TET2: variants seen among roughly 807,000 people sequenced by gnomAD.
TET2 encodes the protein methylcytosine dioxygenase TET2.
A neutral mutation model predicts 142.9 loss-of-function variants in TET2; 299 were observed. That is an observed-to-expected ratio of 2.09 (90% CI 1.90 to 2.30). The LOEUF is 2.30. Among genes scored for constraint, TET2 ranks in the 30% most tolerant of loss-of-function variants. The pLI, the probability that TET2 is intolerant of heterozygous loss-of-function variation, is 0.00. For synonymous variants in TET2, 819 were observed against 849.0 expected, an observed-to-expected ratio of 0.96 and a Z score of 0.61; for missense variants, 2,418 against 2,378.0, an observed-to-expected ratio of 1.02 and a Z score of -0.35.
chr4:105,199,129 G>C (rs1026357501), intron 2 of TET2, among the ~76,000 whole-genome samples: 1 of 152,048 alleles, frequency 6.6e-6, no homozygotes, highest in Non-Finnish European at 1.5e-5. Context: ...GTCACTCTAG[G>C]TCTTCTACTC....
chr4:105,160,004 GAAA>G (rs796114559), intron 1 of TET2, among the ~76,000 whole-genome samples: 1 of 144,070 alleles, frequency 6.9e-6, no homozygotes, highest in East Asian at 2.0e-4. Flanking sequence ...CTCCGTCTCA[GAAA>G]AAAAAAAAAT....
At chr4:105,246,420 A>T (rs967569759) in intron 6 of TET2, among the ~76,000 whole-genome samples, 5 of 152,242 alleles carry the variant, frequency 3.3e-5, no homozygotes, top group African/African-American at 1.2e-4. Flanking sequence ...ACATGCTTCA[A>T]ATATGAAGAC....
Position 105,254,311 on chromosome 4 carries a change from TTA to T in TET2, c.3804-5306_3804-5305del, listed in dbSNP as rs200375848. 4.8e-3 allele frequency among the ~76,000 whole-genome samples: 734 copies of T among 152,328 alleles called. 7 individuals are homozygous for T. The highest frequency in any genetic ancestry group is 6.4e-3 in the Non-Finnish European group (437 of 68,024). ...TTTCATAGATATAGGCCTATTTAGA[TTA>T]TTATTTTGCATAAATATTGGTAGTT... On this transcript the variant is annotated intron_variant, in intron 6 of 10. Coordinates refer to ENST00000380013, the MANE Select transcript of TET2 (RefSeq NM_001127208.3).
Position 105,259,612 on chromosome 4 carries a change from T to G in TET2, c.3804-7T>G. The G allele has an allele frequency of 6.5e-7, 1 of 1,550,350 alleles. No individual in the cohort carries two copies. The highest frequency in any genetic ancestry group is 8.7e-7 in the Non-Finnish European group (1 of 1,146,140). On this transcript the variant is annotated splice_region_variant and splice_polypyrimidine_tract_variant and intron_variant, in intron 6 of 10. Transcript: ENST00000380013. Reference sequence around the variant, plus strand: ...ATAGCAATGAATTTGGTCTTTTGATTTTTCAGGAGAACTTGCGCCTGTCAG... The same window carrying G: ...ATAGCAATGAATTTGGTCTTTTGATGTTTCAGGAGAACTTGCGCCTGTCAG...
chr4:105,277,513 A>G lies in TET2; in HGVS notation c.*994A>G, dbSNP rs1306365753. 3 of 226,780 alleles carry G rather than the reference A, an allele frequency of 1.3e-5. No individual in the cohort carries two copies. Among genetic ancestry groups the G allele is most frequent in the African/African-American group, 2.2e-5 (1 of 44,988 alleles). The allele number at this position is 226,780 out of a possible 1,614,324, so 14.0% of individuals were successfully genotyped here. ...ACTTTCATTTTAGAATGCAAAGTTG[A>G]TTTTTTTAAGGAAACAAAGAAAGCT... On this transcript the variant is annotated 3_prime_UTR_variant, in exon 11 of 11. Transcript: ENST00000380013.
At chr4:105,250,796 A>C (rs552401604) in intron 6 of TET2, among the ~76,000 whole-genome samples, 2 of 151,930 alleles carry the variant, frequency 1.3e-5, no homozygotes, top group East Asian at 1.9e-4. Context: ...GGTTCAAGTG[A>C]TTCTCCTGCC....
At chr4:105,175,947 G>A (rs1372643673) in intron 1 of TET2, among the ~76,000 whole-genome samples, 2 of 152,112 alleles carry the variant, frequency 1.3e-5, no homozygotes, top group Admixed American at 1.3e-4. Context: ...GGCAGTGTAC[G>A]ATTCTGGACC....
At chr4:105,163,062 TGAA>T (rs1451883405) in intron 1 of TET2, among the ~76,000 whole-genome samples, 1 of 152,236 alleles carries the variant, frequency 6.6e-6, no homozygotes, top group African/African-American at 2.4e-5. Context: ...AATTTTTCAG[TGAA>T]GAATAAATTT....
intron 4 of TET2, chr4:105,242,270 T>A (rs1729345708): frequency 9.2e-7 from 1 of 1,083,306 alleles, no homozygotes; most frequent in East Asian, 5.1e-5. Context: ...AGTGCCTTTT[T>A]TTTGTTGTTT....
chr4:105,272,674 TGTGGAAGCTCAGGAGGAGAAAAAACGGA>T lies in TET2; in HGVS notation c.4298_4325del (p.Glu1433ValfsTer6), dbSNP rs985310649. ...TCTCTGACGTGGATGAGTTTGGGAG[TGTGGAAGCTCAGGAGGAGAAAAAACGGA>T]GTGGTGCCATTCAGGTACTGAGTTC... On this transcript the variant is annotated frameshift_variant, in exon 10 of 11. Transcript: ENST00000380013. LOFTEE classifies it high-confidence loss of function. 1 of 1,551,346 alleles carries T rather than the reference TGTGGAAGCTCAGGAGGAGAAAAAACGGA, an allele frequency of 6.4e-7. No individual in the cohort carries two copies. Among genetic ancestry groups the T allele is most frequent in the Non-Finnish European group, 8.7e-7 (1 of 1,146,940 alleles).
chr4:105,275,837 C>G lies in TET2; in HGVS notation c.5327C>G (p.Ser1776Cys). 5.2e-6 allele frequency: 8 copies of G among 1,551,818 alleles called. No homozygotes were observed. In the East Asian group the frequency reaches 9.8e-5, roughly 19 times the overall value. The change falls in exon 11 of 11, where the codon TCT becomes TGT. Residue 1776 changes from serine (S) to cysteine (C), a missense_variant. Coordinates refer to ENST00000380013, the MANE Select transcript of TET2 (RefSeq NM_001127208.3). The part of the protein sequence containing the change: ...YSAAPGMFNS[S>C]LHALHLQNKE... ...GCAGCTCCGGGCATGTTCAACAGCT[C>G]TCTTCATGCCCTGCATCTCCAAAAC...
At position 105,233,926 on chromosome 4, in the gene TET2, G is replaced by A. The variant is rs1468899704; in HGVS notation, c.-17G>A. 2.5e-6 allele frequency: 4 copies of A among 1,600,412 alleles called. No homozygotes were observed. In the African/African-American group the frequency reaches 4.0e-5, roughly 16 times the overall value. On this transcript the variant is annotated 5_prime_UTR_variant, in exon 3 of 11. Transcript: ENST00000380013. The stretch of plus-strand genomic sequence containing the variant: ...CAACTAGAGGGCAGCCTTGTGGATG[G>A]CCCCGAAGCAAGCCTGATGGAACAG...
intron 1 of TET2, among the ~76,000 whole-genome samples, chr4:105,171,051 A>C (rs1374791595): frequency 6.6e-6 from 1 of 151,870 alleles, no homozygotes; most frequent in Non-Finnish European, 1.5e-5. Flanking sequence ...TACCTTCTTC[A>C]TTCTTTTTTT....
At chr4:105,192,013 C>G (rs1725817984) in intron 2 of TET2, among the ~76,000 whole-genome samples, 1 of 152,104 alleles carries the variant, frequency 6.6e-6, no homozygotes, top group Admixed American at 6.6e-5. Context: ...GATTGCTTTA[C>G]CTCACTCTGT....
intron 2 of TET2, among the ~76,000 whole-genome samples, chr4:105,231,223 A>C (rs1429853968): frequency 1.3e-5 from 2 of 152,148 alleles, no homozygotes; most frequent in Non-Finnish European, 1.5e-5. Context: ...TTATTTTTCC[A>C]AATGAACTTT....
At chr4:105,233,383 C>CATAAAAAAAAAAA (rs1728621003) in intron 2 of TET2, among the ~76,000 whole-genome samples, 1 of 76,148 alleles carries the variant, frequency 1.3e-5, no homozygotes, top group Non-Finnish European at 2.3e-5. Context: ...GACTCCATCT[C>CATAAAAAAAAAAA]AAAAAAAAAA....
intron 2 of TET2, among the ~76,000 whole-genome samples, chr4:105,210,286 T>C (rs1292459517): frequency 6.6e-6 from 1 of 152,140 alleles, no homozygotes; most frequent in African/African-American, 2.4e-5. Flanking sequence ...ATTCAGTAAA[T>C]TGTTATCTCA....
intron 6 of TET2, among the ~76,000 whole-genome samples, chr4:105,252,558 TAAGA>T (rs1578705641): frequency 2.0e-5 from 3 of 152,182 alleles, no homozygotes; most frequent in Admixed American, 6.5e-5. Context: ...TGATTGACAG[TAAGA>T]GTAAGAAATA....
chr4:105,198,925 G>C (rs1039255661), intron 2 of TET2, among the ~76,000 whole-genome samples: 2 of 152,164 alleles, frequency 1.3e-5, no homozygotes, highest in African/African-American at 4.8e-5. Flanking sequence ...AACACTTGCA[G>C]AACATTTGAT....
Sources: allele counts gnomAD v4.1 joint callset (sites outside exome capture counted in the v4.1 genomes callset), GRCh38; gene constraint gnomAD v4.1.1; transcripts MANE v1.5; gene names NCBI Gene and HGNC (gene_info 2026-07-23, HGNC 2026-07-21).